Variants in TRIM2 observed in about 807,000 individuals in gnomAD.
TRIM2 encodes tripartite motif-containing protein 2.
In TRIM2, 20 loss-of-function variants were observed where a neutral mutation model predicts 75.2. That is an observed-to-expected ratio of 0.27 (90% confidence interval 0.19 to 0.39). The LOEUF is 0.39. TRIM2 is among the 10% of genes least tolerant of loss of function. The probability of loss-of-function intolerance (pLI) is 1.00; values close to 1 mark genes in which losing one functional copy is unlikely to be tolerated. For synonymous variants in TRIM2, 373 were observed against 388.3 expected (o/e 0.96, Z 0.46); for missense variants, 660 against 990.8 (o/e 0.67, Z 4.48).
At chr4:153,218,504 C>T (rs1038315518) in intron 1 of TRIM2, among the ~76,000 whole-genome samples, 6 of 152,072 alleles carry the variant, frequency 3.9e-5, no homozygotes, top group Admixed American at 2.0e-4. Flanking sequence ...CCACTGTGCC[C>T]GATCTATTTT....
At chr4:153,161,124 A>G (rs1483465114) in intron 1 of TRIM2, among the ~76,000 whole-genome samples, 2 of 152,204 alleles carry the variant, frequency 1.3e-5, no homozygotes, top group Non-Finnish European at 2.9e-5. Context: ...ATTCTAAGGA[A>G]CAAAGATTTT....
In TRIM2 at chr4:153,302,938, T is replaced by C. The variant is rs537816020; in HGVS notation, c.1510+6902T>C. Among the ~76,000 whole-genome samples the C allele has an allele frequency of 5.1e-4, 77 of 152,336 alleles. No homozygotes were observed. The Middle Eastern group carries it at 0.017, about 34-fold the overall frequency. Reference sequence around the variant, plus strand: ...AAGTACTTTGCCCATTTGAATAGGATAAGTTGTGAACTACCTCATGATTTA... The same window carrying C: ...AAGTACTTTGCCCATTTGAATAGGACAAGTTGTGAACTACCTCATGATTTA... On this transcript the variant is annotated intron_variant, in intron 6 of 11. Coordinates refer to ENST00000338700, the MANE Select transcript of TRIM2 (RefSeq NM_015271.5).
chr4:153,167,834 C>G (rs1003552090), intron 1 of TRIM2, among the ~76,000 whole-genome samples: 2 of 152,162 alleles, frequency 1.3e-5, no homozygotes, highest in African/African-American at 4.8e-5. Flanking sequence ...GTTCTGTCCA[C>G]CAGTGGTCCT....
At chr4:153,231,089 GT>G (rs1380277393) in intron 1 of TRIM2, among the ~76,000 whole-genome samples, 1 of 152,198 alleles carries the variant, frequency 6.6e-6, no homozygotes, top group African/African-American at 2.4e-5. Context: ...ACACGCTCAA[GT>G]ATACTTGATT....
intron 9 of TRIM2, 75 bp from the exon 10 acceptor site, chr4:153,324,003 T>G: frequency 8.7e-7 from 1 of 1,147,748 alleles, no homozygotes; most frequent in Non-Finnish European, 1.3e-6. Flanking sequence ...ATATTAAGTT[T>G]GTTTGTTACA....
intron 1 of TRIM2, among the ~76,000 whole-genome samples, chr4:153,232,398 C>T (rs1743894109): frequency 6.6e-6 from 1 of 152,150 alleles, no homozygotes. Flanking sequence ...ACTTGGCAGG[C>T]TGAGGCAGAA....
chr4:153,315,554 T>G lies in TRIM2; in HGVS notation c.1580T>G (p.Ile527Arg). 1 of 1,611,808 alleles carries G rather than the reference T, an allele frequency of 6.2e-7. No individual in the cohort carries two copies. Among genetic ancestry groups the G allele is most frequent in the Non-Finnish European group, 8.5e-7 (1 of 1,179,458 alleles). Residue 527 changes from isoleucine to arginine, a missense_variant, in exon 7 of 12, where the codon ATA (isoleucine) becomes AGA (arginine). Around this residue, in one of 2 missense-constraint regions of TRIM2, gnomAD observed 620 missense variants for 891.0 expected, o/e 0.70. Transcript: ENST00000338700. ...QGVAASTNGK[I>R]LIADSNNQCV... ...GTAGCTGCATCTACAAATGGAAAGA[T>G]ATTAATTGCAGACAGTAACAACCAA...
intron 1 of TRIM2, among the ~76,000 whole-genome samples, chr4:153,244,144 G>GTTCTTGTTC (rs1553972523): frequency 1.5e-5 from 2 of 130,092 alleles, no homozygotes; most frequent in Non-Finnish European, 3.2e-5. Context: ...TCTTCTTCTT[G>GTTCTTGTTC]TTCTTCTTGT....
chr4:153,163,944 A>T (rs977359309), intron 1 of TRIM2, among the ~76,000 whole-genome samples: 1 of 152,162 alleles, frequency 6.6e-6, no homozygotes, highest in Non-Finnish European at 1.5e-5. Context: ...GAAAACAAAA[A>T]AACTGTTATT....
Position 153,295,036 on chromosome 4 carries a change from G to C in TRIM2, c.787-277G>C, listed in dbSNP as rs1256779230. Among the ~76,000 whole-genome samples the C allele has an allele frequency of 1.3e-5, 2 of 152,242 alleles. No individual in the cohort carries two copies. Among genetic ancestry groups the C allele is most frequent in the African/African-American group, 2.4e-5 (1 of 41,466 alleles). ...ATAGCAATTAATTTGCTATGCTCTT[G>C]GTAGTGACCTTTCTGTTTTCCCCTC... On this transcript the variant is annotated intron_variant, in intron 5 of 11. Coordinates refer to ENST00000338700, the MANE Select transcript of TRIM2 (RefSeq NM_015271.5). The surrounding 1 kb of genome is among the most constrained non-coding windows in gnomAD (Gnocchi z 7.2).
intron 4 of TRIM2, 89 bp downstream of exon 4, chr4:153,293,222 A>ATAT: frequency 7.5e-7 from 1 of 1,332,218 alleles, no homozygotes; most frequent in Non-Finnish European, 1.0e-6. Context: ...GAGTAGGTTC[A>ATAT]TATTTCCCTT....
At chr4:153,312,084 T>G (rs1579605574) in intron 6 of TRIM2, among the ~76,000 whole-genome samples, 1 of 103,804 alleles carries the variant, frequency 9.6e-6, no homozygotes, top group Non-Finnish European at 1.9e-5. Flanking sequence ...CCCACAACAG[T>G]CCCCAGAGTG....
At chr4:153,202,561 T>C (rs1319477346), upstream of TRIM2, among the ~76,000 whole-genome samples, 1 of 152,030 alleles carries the variant, frequency 6.6e-6, no homozygotes, top group East Asian at 1.9e-4. Context: ...TAGCCGGGCA[T>C]GGCGGCATGC....
At chr4:153,204,411 T>G, upstream of TRIM2, 1 of 1,178,286 alleles carries the variant, frequency 8.5e-7, no homozygotes, top group Non-Finnish European at 1.2e-6. Context: ...TGACTAGCTG[T>G]TTATATTTTA....
intron 1 of TRIM2, among the ~76,000 whole-genome samples, chr4:153,238,596 G>T (rs1745630116): frequency 6.6e-6 from 1 of 152,198 alleles, no homozygotes; most frequent in African/African-American, 2.4e-5. Context: ...GAAAAAGAGA[G>T]AACTGGAATA....
rs1226976481 is a variant in TRIM2 at position 153,336,503 on chromosome 4, A to T, written c.*1537A>T. The T allele has an allele frequency of 1.0e-6, 1 of 985,742 alleles. No homozygotes were observed. The highest frequency in any genetic ancestry group is 4.7e-5 in the South Asian group (1 of 21,292). The allele number at this position is 985,742 out of a possible 1,614,324, so 61.1% of individuals were successfully genotyped here. A position where few individuals can be genotyped will look rare whatever the true frequency, so the allele number is the denominator to read the frequency against. On this transcript the variant is annotated 3_prime_UTR_variant, in exon 12 of 12. Transcript: ENST00000338700. Reference sequence around the variant, plus strand: ...ATCGTTCATCTGTCATTGGTACTGTAAAATAAGCTGTGGTCTATTTCCACT... The same window carrying T: ...ATCGTTCATCTGTCATTGGTACTGTTAAATAAGCTGTGGTCTATTTCCACT...
chr4:153,311,921 T>TATTTATTTATTTATTA (rs1433630569), intron 6 of TRIM2, among the ~76,000 whole-genome samples: 6 of 150,244 alleles, frequency 4.0e-5, no homozygotes, highest in Non-Finnish European at 8.9e-5. Flanking sequence ...TTTATTTATT[T>TATTTATTTATTTATTA]ATTATTATTA....
At chr4:153,161,873 T>G (rs11099873) in intron 1 of TRIM2, among the ~76,000 whole-genome samples, 1 of 151,962 alleles carries the variant, frequency 6.6e-6, no homozygotes, top group African/African-American at 2.4e-5. Context: ...TTAGGGAACA[T>G]AAAGTTGCAA....
Position 153,295,172 on chromosome 4 carries a change from T to C in TRIM2, c.787-141T>C. On this transcript the variant is annotated intron_variant, in intron 5 of 11. Coordinates refer to ENST00000338700, the MANE Select transcript of TRIM2 (RefSeq NM_015271.5). The surrounding 1 kb of genome is among the most constrained non-coding windows in gnomAD (Gnocchi z 7.2). ...TTAGGACTTTGCGTTAGCACTGGGT[T>C]CCCTGGGTTGACAAACACCGCTTGC... 1 of 1,191,790 alleles carries C rather than the reference T, an allele frequency of 8.4e-7. No homozygotes were observed. 73.8% of individuals were successfully genotyped at this position (1,191,790 alleles called of 1,614,324 possible). A position where few individuals can be genotyped will look rare whatever the true frequency, so the allele number is the denominator to read the frequency against.
Sources: allele counts gnomAD v4.1 joint callset (sites outside exome capture counted in the v4.1 genomes callset), GRCh38; gene constraint gnomAD v4.1.1; regional missense constraint gnomAD v4.1.1; non-coding constraint Gnocchi (gnomAD v3.1); transcripts MANE v1.5; gene names NCBI Gene and HGNC (gene_info 2026-07-23, HGNC 2026-07-21).